Variants in BAHCC1 observed in about 807,000 individuals in gnomAD.
The protein encoded by BAHCC1 is BAH domain and coiled-coil containing 1, also known as BAH and coiled-coil domain-containing protein 1.
Under a neutral mutation model 88.2 loss-of-function variants are expected in BAHCC1, and 43 were observed. The ratio of observed to expected loss-of-function variants is 0.49; its 90% CI spans 0.38 to 0.63. BAHCC1 has a LOEUF of 0.63. BAHCC1 is among the 20% of genes least tolerant of loss of function. The probability of loss-of-function intolerance (pLI) is 0.00; values close to 1 mark genes in which losing one functional copy is unlikely to be tolerated. For missense variants in BAHCC1, 3,023 were observed against 1,654.8 expected (o/e 1.83, Z -14.34); for synonymous variants, 1,510 against 745.5 (o/e 2.03, Z -16.71).
intron 4 of BAHCC1, 119 bp downstream of exon 4, chr17:81,438,611 T>C (rs2030088948): frequency 1.5e-6 from 1 of 666,948 alleles, no homozygotes; most frequent in South Asian, 1.7e-5. Context: ...CCAGGTGTCA[T>C]CGAGGCCAGG....
intron 2 of BAHCC1, among the ~76,000 whole-genome samples, chr17:81,404,740 T>C (rs1466965710): frequency 6.6e-6 from 1 of 152,236 alleles, no homozygotes; most frequent in African/African-American, 2.4e-5. Flanking sequence ...GCTGTGAGCA[T>C]AAATAATGTG....
At chr17:81,441,617 A>G (rs1309155626) in intron 4 of BAHCC1, among the ~76,000 whole-genome samples, 1 of 144,774 alleles carries the variant, frequency 6.9e-6, no homozygotes, top group Non-Finnish European at 1.5e-5. Context: ...AGCCGAGGTC[A>G]CGCCACAGCA....
intron 14 of BAHCC1, 145 bp from the exon 15 acceptor site, chr17:81,455,122 C>T (rs1301687285): frequency 6.5e-6 from 4 of 611,744 alleles, no homozygotes; most frequent in Non-Finnish European, 1.2e-5. Flanking sequence ...CCCCGGGGCC[C>T]CTCACCCCCT....
At position 81,458,635 on chromosome 17, in the gene BAHCC1, C is replaced by A. The variant is rs377743117; in HGVS notation, c.5358C>A (p.Ala1786=). 9 of 717,368 alleles carry A rather than the reference C, an allele frequency of 1.3e-5. No individual in the cohort carries two copies. The highest frequency in any genetic ancestry group is 3.5e-5 in the African/African-American group (2 of 57,252). 44.4% of individuals were successfully genotyped at this position (717,368 alleles called of 1,614,324 possible). A position where few individuals can be genotyped will look rare whatever the true frequency, so the allele number is the denominator to read the frequency against. The part of the protein sequence containing the change: ...LQPVLRRKNG[A]LSITLATRNA... ...CCCACGCGCAGCGGAAGAACGGGGC[C>A]CTGTCCATCACGCTGGCCACACGCA... is the stretch of plus-strand genomic sequence containing the variant. Residue 1786 remains alanine, a synonymous_variant, in exon 19 of 28, where the codon GCC becomes GCA. Coordinates refer to ENST00000675386, the MANE Select transcript of BAHCC1 (RefSeq NM_001377448.1).
In BAHCC1 at chr17:81,411,344, G is replaced by A. The variant is rs1292115333; in HGVS notation, c.178+11427G>A. On this transcript the variant is annotated intron_variant, in intron 2 of 27. Transcript: ENST00000675386. This position sits in a 1 kb window ranked among gnomAD's most constrained non-coding sequence, Gnocchi z 6.2. Reference sequence around the variant, plus strand: ...AGCCCAGGCCCCTGAGAGTGAGGCTGGAGAGACGGGAGGCACCGGTGCCCT... The same window carrying A: ...AGCCCAGGCCCCTGAGAGTGAGGCTAGAGAGACGGGAGGCACCGGTGCCCT... Among the ~76,000 whole-genome samples, 2 of 151,802 alleles carry A rather than the reference G, an allele frequency of 1.3e-5. No homozygotes were observed. Among genetic ancestry groups the A allele is most frequent in the African/African-American group, 4.8e-5 (2 of 41,308 alleles).
In BAHCC1 at chr17:81,447,646, A is replaced by G. The variant is rs1555654943; in HGVS notation, c.3774A>G (p.Pro1258=). Residue 1258 remains proline, a synonymous_variant, in exon 11 of 28, where the codon CCA becomes CCG. Transcript: ENST00000675386. ...PDNSHPPRAL[P]GLDALVAATI... The stretch of plus-strand genomic sequence containing the variant: ...ACAGCCACCCACCCAGGGCGCTACC[A>G]GGCCTGGATGCCTTGGTGGCCGCCA... 1.3e-6 allele frequency: 1 copy of G among 740,810 alleles called. No homozygotes were observed. The highest frequency in any genetic ancestry group is 1.7e-5 in the African/African-American group (1 of 58,298). 45.9% of individuals were successfully genotyped at this position (740,810 alleles called of 1,614,324 possible).
At position 81,442,919 on chromosome 17, in the gene BAHCC1, G is replaced by C. The variant is rs782066619; in HGVS notation, c.1570G>C (p.Asp524His). 9.0e-6 allele frequency: 7 copies of C among 779,040 alleles called. No homozygotes were observed. Among genetic ancestry groups the C allele is most frequent in the Non-Finnish European group, 1.4e-5 (6 of 417,818 alleles). The allele number at this position is 779,040 out of a possible 1,614,324, so 48.3% of individuals were successfully genotyped here. The stretch of plus-strand genomic sequence containing the variant: ...GGCCCCCCAGGCCTGCTGCACTTTA[G>C]ATAAGACTGTTGGCAAGGAAGCCCC... ...GKAPQACCTLDKTVGKEAPAG... is the reference protein window; with the variant it reads ...GKAPQACCTLHKTVGKEAPAG... Residue 524 changes from aspartate to histidine, a missense_variant, in exon 5 of 28, where the codon GAT becomes CAT. Physicochemically the swap from Asp to His is moderately conservative, Grantham distance 81. Coordinates refer to ENST00000675386, the MANE Select transcript of BAHCC1 (RefSeq NM_001377448.1).
intron 2 of BAHCC1, among the ~76,000 whole-genome samples, chr17:81,403,661 C>G (rs1487054894): frequency 6.6e-6 from 1 of 152,196 alleles, no homozygotes; most frequent in Non-Finnish European, 1.5e-5. Flanking sequence ...ACCTCATTAA[C>G]TCCATGACAC....
chr17:81,455,719 G>A (rs1318770203), intron 15 of BAHCC1, among the ~76,000 whole-genome samples: 1 of 152,228 alleles, frequency 6.6e-6, no homozygotes, highest in African/African-American at 2.4e-5. Flanking sequence ...AGGTGGCCCA[G>A]GGCACACTTG....
intron 11 of BAHCC1, among the ~76,000 whole-genome samples, chr17:81,450,593 C>T (rs868974474): frequency 2.0e-5 from 3 of 152,342 alleles, no homozygotes; most frequent in African/African-American, 4.8e-5. Context: ...TCCTGCCTGC[C>T]CCAGGGCTGG....
intron 14 of BAHCC1, among the ~76,000 whole-genome samples, chr17:81,453,609 C>T (rs2064688872): frequency 1.3e-5 from 2 of 152,090 alleles, no homozygotes; most frequent in African/African-American, 4.8e-5. Context: ...CCAGAGCTGC[C>T]CCTGCCCTGC....
At position 81,403,184 on chromosome 17, in the gene BAHCC1, TAGAC is replaced by T. The variant is rs1168316240; in HGVS notation, c.178+3270_178+3273del. 7.9e-5 allele frequency among the ~76,000 whole-genome samples: 12 copies of T among 152,302 alleles called. No homozygotes were observed. The East Asian group carries it at 2.1e-3, about 27-fold the overall frequency. On this transcript the variant is annotated intron_variant, in intron 2 of 27. Coordinates refer to ENST00000675386, the MANE Select transcript of BAHCC1 (RefSeq NM_001377448.1). Reference sequence around the variant, plus strand: ...GCCCCGGCCTGGGGAGAGGCCCACATAGACAGCCCCCCGTCCTGGCTTCTGGCTG... The same window carrying T: ...GCCCCGGCCTGGGGAGAGGCCCACATAGCCCCCCGTCCTGGCTTCTGGCTG...
chr17:81,447,166 A>G lies in BAHCC1; in HGVS notation c.3294A>G (p.Thr1098=), dbSNP rs2064544981. 1.3e-6 allele frequency: 1 copy of G among 776,640 alleles called. No homozygotes were observed. Among genetic ancestry groups the G allele is most frequent in the Admixed American group, 1.7e-5 (1 of 58,622 alleles). 48.1% of individuals were successfully genotyped at this position (776,640 alleles called of 1,614,324 possible). The part of the protein sequence containing the change: ...TTAPGAQPEP[T]RTFLPGEPPP... ...CCCCGGGGGCCCAGCCTGAGCCCAC[A>G]AGGACATTCCTGCCTGGGGAGCCGC... The change falls in exon 11 of 28, where the codon ACA becomes ACG. Residue 1098 remains threonine, a synonymous_variant. Transcript: ENST00000675386.
chr17:81,417,773 G>T (rs573571875), intron 2 of BAHCC1, among the ~76,000 whole-genome samples: 3 of 152,138 alleles, frequency 2.0e-5, no homozygotes, highest in African/African-American at 4.8e-5. Flanking sequence ...CTGGGCCAGC[G>T]CAGGCTTCTG....
chr17:81,413,573 C>G (rs2063983102), intron 2 of BAHCC1, among the ~76,000 whole-genome samples: 1 of 152,246 alleles, frequency 6.6e-6, no homozygotes, highest in South Asian at 2.1e-4. Flanking sequence ...GCAGTATCGT[C>G]TCAGCACCTG....
rs1031889423 is a variant in BAHCC1 at position 81,426,911 on chromosome 17, C to A, written c.290C>A (p.Pro97His). The change falls in exon 3 of 28, where the codon CCC becomes CAC. Residue 97 changes from proline to histidine, a missense_variant. Coordinates refer to ENST00000675386, the MANE Select transcript of BAHCC1 (RefSeq NM_001377448.1). Reference sequence around the variant, plus strand: ...CACCCCAGCGGCCCCAGCTCCTCCCCCCCTGAGCAGGCCTACCGTGGCTCC... The same window carrying A: ...CACCCCAGCGGCCCCAGCTCCTCCCACCCTGAGCAGGCCTACCGTGGCTCC... Reference protein sequence around the residue: ...STHPSGPSSSPPEQAYRGSHP... With the variant: ...STHPSGPSSSHPEQAYRGSHP... 3.8e-5 allele frequency: 15 copies of A among 399,036 alleles called. No homozygotes were observed. Among genetic ancestry groups the A allele is most frequent in the South Asian group, 1.3e-4 (1 of 7,886 alleles). 24.7% of individuals were successfully genotyped at this position (399,036 alleles called of 1,614,324 possible). A position where few individuals can be genotyped will look rare whatever the true frequency, so the allele number is the denominator to read the frequency against.
At chr17:81,406,232 C>G (rs1487204347) in intron 2 of BAHCC1, among the ~76,000 whole-genome samples, 3 of 152,090 alleles carry the variant, frequency 2.0e-5, no homozygotes, top group Non-Finnish European at 2.9e-5. Context: ...ACCCTTGGCT[C>G]CTGGACAGCC....
chr17:81,444,422 C>G lies in BAHCC1; in HGVS notation c.2366C>G (p.Pro789Arg). Residue 789 changes from proline (P) to arginine (R), a missense_variant, in exon 7 of 28, where the codon CCG (proline) becomes CGG (arginine). Pro to Arg is a moderately radical substitution (Grantham distance 103, BLOSUM62 -2). Coordinates refer to ENST00000675386, the MANE Select transcript of BAHCC1 (RefSeq NM_001377448.1). ...DRVEFARIHP[P>R]SSCPGDLAPH... ...GTAGAGTTCGCCCGGATCCACCCACCGAGCAGCTGCCCTGGGGACCTGGCC... is the reference window on the plus strand; with the variant it reads ...GTAGAGTTCGCCCGGATCCACCCACGGAGCAGCTGCCCTGGGGACCTGGCC... 3 of 749,452 alleles carry G rather than the reference C, an allele frequency of 4.0e-6. No individual in the cohort carries two copies. The East Asian group carries it at 7.6e-5, about 19-fold the overall frequency. The allele number at this position is 749,452 out of a possible 1,614,324, so 46.4% of individuals were successfully genotyped here.
intron 2 of BAHCC1, among the ~76,000 whole-genome samples, chr17:81,413,564 C>T (rs901856143): frequency 6.6e-6 from 1 of 152,238 alleles, no homozygotes; most frequent in African/African-American, 2.4e-5. Flanking sequence ...CACGCAGGTG[C>T]AGTATCGTCT....
Sources: gnomAD v4.1 joint callset for allele counts (sites outside exome capture counted in the v4.1 genomes callset) on GRCh38, gnomAD v4.1.1 for gene constraint, Gnocchi (gnomAD v3.1) non-coding constraint, MANE v1.5 for transcripts, NCBI Gene and HGNC (gene_info 2026-07-23, HGNC 2026-07-21) for gene names.